DDX46: variants seen among roughly 807,000 people sequenced by gnomAD.
DDX46 encodes probable ATP-dependent RNA helicase DDX46.
Under a neutral mutation model 134.9 loss-of-function variants are expected in DDX46, and 30 were observed. The ratio of observed to expected loss-of-function variants is 0.22; its 90% confidence interval spans 0.17 to 0.30. DDX46 has a LOEUF of 0.30. Among genes scored for constraint, DDX46 ranks in the 10% least tolerant of loss-of-function variants. The probability of loss-of-function intolerance (pLI) is 1.00; values close to 1 mark genes in which losing one functional copy is unlikely to be tolerated. For synonymous variants in DDX46, 415 were observed against 404.1 expected (o/e 1.03, Z -0.32); for missense variants, 622 against 1,248.7 (o/e 0.50, Z 7.56).
chr5:134,819,121 C>G, intron 21 of DDX46, 117 bp downstream of exon 21: 1 of 1,098,386 alleles, frequency 9.1e-7, no homozygotes, highest in Admixed American at 3.4e-5. Context: ...AGAAACACCT[C>G]TGAAAACAAA....
intron 10 of DDX46, 110 bp downstream of exon 10, chr5:134,784,651 A>G: frequency 8.0e-7 from 1 of 1,256,530 alleles, no homozygotes; most frequent in Non-Finnish European, 1.0e-6. Context: ...GTCTTTATGT[A>G]CATTTTCTTT....
chr5:134,828,564 T>G (rs1580826711), intron 22 of DDX46, 95 bp from the exon 23 acceptor site: 1 of 747,346 alleles, frequency 1.3e-6, no homozygotes, highest in Non-Finnish European at 1.9e-6. Flanking sequence ...AATATTTCCT[T>G]TTGGGTTTGT....
chr5:134,820,366 T>A (rs1467216657), intron 21 of DDX46, among the ~76,000 whole-genome samples: 2 of 152,212 alleles, frequency 1.3e-5, no homozygotes. Context: ...CTTGACACCA[T>A]AGCATTGTAG....
chr5:134,795,894 G>T, intron 14 of DDX46, 94 bp from the exon 15 acceptor site: 1 of 1,107,704 alleles, frequency 9.0e-7, no homozygotes. Context: ...GCAAGATATT[G>T]TCATTCATTC....
intron 14 of DDX46, 100 bp downstream of exon 14, chr5:134,795,114 T>G: frequency 7.1e-7 from 1 of 1,414,992 alleles, no homozygotes; most frequent in African/African-American, 1.4e-5. Context: ...AGGTAATTTC[T>G]AAAATCAAGT....
At chr5:134,821,682 G>A (rs528060895) in intron 21 of DDX46, among the ~76,000 whole-genome samples, 6 of 150,536 alleles carry the variant, frequency 4.0e-5, no homozygotes, top group Non-Finnish European at 7.4e-5. Flanking sequence ...TCAGCCTCCC[G>A]AGTAGCTGGG....
At chr5:134,761,752 C>A (rs1580766024) in intron 1 of DDX46, among the ~76,000 whole-genome samples, 1 of 152,194 alleles carries the variant, frequency 6.6e-6, no homozygotes, top group East Asian at 1.9e-4. Context: ...ACATTTAGTT[C>A]ATCATTAAAT....
At chr5:134,805,173 A>ATT (rs113554220) in intron 15 of DDX46, 97 of 155,638 alleles carry the variant, frequency 6.2e-4, no homozygotes, top group East Asian at 5.4e-3. Context: ...GAAGAACTGT[A>ATT]TTTTTTTTTT....
intron 19 of DDX46, chr5:134,816,858 T>G (rs1199517715): frequency 2.4e-6 from 1 of 420,122 alleles, no homozygotes; most frequent in Non-Finnish European, 4.2e-6. Context: ...AGTATTCTGA[T>G]GAGTCTTAAC....
intron 13 of DDX46, 122 bp from the exon 14 acceptor site, chr5:134,794,728 A>T (rs1433445320): frequency 2.2e-5 from 27 of 1,207,176 alleles, no homozygotes; most frequent in Non-Finnish European, 2.9e-5. Flanking sequence ...AGATTGGGAG[A>T]CTGTGGGAGT....
chr5:134,800,592 C>A (rs1476205106), intron 15 of DDX46, among the ~76,000 whole-genome samples: 4 of 152,140 alleles, frequency 2.6e-5, no homozygotes, highest in African/African-American at 7.2e-5. Flanking sequence ...ACTCCCTCAT[C>A]GTGTCCCTAT....
intron 16 of DDX46, among the ~76,000 whole-genome samples, chr5:134,810,143 G>A (rs1033588761): frequency 6.6e-6 from 1 of 151,804 alleles, no homozygotes; most frequent in African/African-American, 2.4e-5. Context: ...CAACTCCTAG[G>A]CTCAAGCTAT....
intron 9 of DDX46, 31 bp from the exon 10 acceptor site, chr5:134,784,335 T>C (rs990284051): frequency 1.3e-6 from 2 of 1,575,134 alleles, no homozygotes; most frequent in Non-Finnish European, 1.7e-6. Context: ...TCTCAATTCT[T>C]ACCTTTTCTT....
intron 1 of DDX46, among the ~76,000 whole-genome samples, chr5:134,760,251 C>T (rs1383080760): frequency 6.6e-6 from 1 of 152,178 alleles, no homozygotes; most frequent in Non-Finnish European, 1.5e-5. Context: ...CATTCTAGCC[C>T]GTCAGCCTTC....
intron 12 of DDX46, among the ~76,000 whole-genome samples, chr5:134,789,598 T>C (rs372767499): frequency 8.5e-5 from 13 of 152,080 alleles, no homozygotes; most frequent in South Asian, 2.1e-4. Context: ...TTTTTTTTTT[T>C]CTCAATGCTG....
chr5:134,797,323 C>A, intron 15 of DDX46: 1 of 206,796 alleles, frequency 4.8e-6, no homozygotes, highest in Non-Finnish European at 9.9e-6. Flanking sequence ...GCTTATGAAT[C>A]TTCAATTTGC....
At position 134,788,601 on chromosome 5, in the gene DDX46, G is replaced by C. The variant is rs369780629; in HGVS notation, c.1543+10G>C. 13 of 1,610,782 alleles carry C rather than the reference G, an allele frequency of 8.1e-6. No individual in the cohort carries two copies. The highest frequency in any genetic ancestry group is 1.1e-5 in the Non-Finnish European group (13 of 1,178,840). The stretch of plus-strand genomic sequence containing the variant: ...TTAGCCGCTAACAGTGGTAAGTCAG[G>C]GGTATTTTTTTGGTGTCTTTTATTT... On this transcript the variant is annotated intron_variant, in intron 12 of 22. Transcript: ENST00000452510.
Position 134,830,956 on chromosome 5 carries a change from TA to T in DDX46, c.*2254del, listed in dbSNP as rs562119666. 7.3e-4 allele frequency: 111 copies of T among 152,780 alleles called. No homozygotes were observed. Among genetic ancestry groups the T allele is most frequent in the African/African-American group, 2.6e-3 (110 of 41,580 alleles). 9.5% of individuals were successfully genotyped at this position (152,780 alleles called of 1,614,324 possible). A position where few individuals can be genotyped will look rare whatever the true frequency, so the allele number is the denominator to read the frequency against. On this transcript the variant is annotated 3_prime_UTR_variant, in exon 23 of 23. Transcript: ENST00000452510. ...TATATCAGTTGTGATGAGCCACTGATAAAATTTTGTTCTAAAATGAAACATA... is the reference window on the plus strand; with the variant it reads ...TATATCAGTTGTGATGAGCCACTGATAAATTTTGTTCTAAAATGAAACATA...
At chr5:134,767,910 G>A (rs1447634935) in intron 3 of DDX46, among the ~76,000 whole-genome samples, 5 of 150,318 alleles carry the variant, frequency 3.3e-5, no homozygotes, top group Non-Finnish European at 5.9e-5. Flanking sequence ...AGATCATGCC[G>A]TTGCACTCCA....
Sources: allele counts gnomAD v4.1 joint callset (sites outside exome capture counted in the v4.1 genomes callset), GRCh38; gene constraint gnomAD v4.1.1; transcripts MANE v1.5; gene names NCBI Gene and HGNC (gene_info 2026-07-23, HGNC 2026-07-21).